Variants in FAIM2 observed in about 807,000 individuals in gnomAD.
FAIM2 encodes the protein Fas apoptotic inhibitory molecule 2.
Under a neutral mutation model 47.4 loss-of-function variants are expected in FAIM2, and 27 were observed. That is an observed-to-expected ratio of 0.57 (90% CI 0.42 to 0.78). The LOEUF is 0.78. FAIM2 is among the 30% of genes least tolerant of loss of function. The probability of loss-of-function intolerance (pLI) is 0.00; values close to 1 mark genes in which losing one functional copy is unlikely to be tolerated. For missense variants in FAIM2, 311 were observed against 389.4 expected (o/e 0.80, Z 1.69); for synonymous variants, 156 against 159.3 (o/e 0.98, Z 0.16).
intron 2 of FAIM2, among the ~76,000 whole-genome samples, chr12:49,898,421 G>A: frequency 9.3e-6 from 1 of 107,794 alleles, no homozygotes. Context: ...CATCCTCCTT[G>A]GACATTCTGG....
chr12:49,889,468 C>T lies in FAIM2; in HGVS notation c.651+13G>A. 6.2e-7 allele frequency: 1 copy of T among 1,612,154 alleles called. No homozygotes were observed. The highest frequency in any genetic ancestry group is 1.1e-5 in the South Asian group (1 of 91,036). ...CAGGCCAGGGGTCCCTGCCTGCAGGCCCCAGAGCTGACCTTGGTCTGGAAG... is the reference window on the plus strand; with the variant it reads ...CAGGCCAGGGGTCCCTGCCTGCAGGTCCCAGAGCTGACCTTGGTCTGGAAG... On this transcript the variant is annotated intron_variant, in intron 9 of 11. Coordinates refer to ENST00000320634, the MANE Select transcript of FAIM2 (RefSeq NM_012306.4).
At chr12:49,888,010 C>T (rs1386173506) in intron 10 of FAIM2, among the ~76,000 whole-genome samples, 1 of 152,212 alleles carries the variant, frequency 6.6e-6, no homozygotes, top group Non-Finnish European at 1.5e-5. Flanking sequence ...CCTGAGTCTT[C>T]CTCCAGGTCT....
chr12:49,889,086 C>A, intron 10 of FAIM2, 21 bp downstream of exon 10: 1 of 1,581,276 alleles, frequency 6.3e-7, no homozygotes, highest in Non-Finnish European at 8.6e-7. Flanking sequence ...ATGGGGCCTG[C>A]TGGGGGACCC....
At chr12:49,887,016 T>G (rs540854304) in intron 11 of FAIM2, among the ~76,000 whole-genome samples, 63 of 152,234 alleles carry the variant, frequency 4.1e-4, no homozygotes, top group African/African-American at 1.4e-3. Context: ...AAGCCTTCCC[T>G]GATTGCCCCT....
chr12:49,877,621 G>GTCTAAAAGT (rs370908720), intron 11 of FAIM2, among the ~76,000 whole-genome samples: 11 of 152,064 alleles, frequency 7.2e-5, no homozygotes, highest in East Asian at 1.9e-4. Context: ...CACTAGAAAA[G>GTCTAAAAGT]CAGGGTGAGG....
chr12:49,879,742 ATG>A (rs1432752965), intron 11 of FAIM2, among the ~76,000 whole-genome samples: 8 of 136,208 alleles, frequency 5.9e-5, no homozygotes, highest in African/African-American at 1.4e-4. Context: ...GTCTGAGTGA[ATG>A]TGTATGCATG....
chr12:49,869,776 G>C lies in FAIM2; in HGVS notation c.*728C>G, dbSNP rs1294006358. The C allele has an allele frequency of 1.3e-5, 2 of 152,166 alleles. No individual in the cohort carries two copies. Among genetic ancestry groups the C allele is most frequent in the Admixed American group, 1.3e-4 (2 of 15,272 alleles). The allele number at this position is 152,166 out of a possible 1,614,324, so 9.4% of individuals were successfully genotyped here. ...AGCTCCCACTTCCCTGGGAGCCCCA[G>C]GGCAGGCCCTTACCAAGGAGCGGGG... On this transcript the variant is annotated 3_prime_UTR_variant, in exon 12 of 12. Coordinates refer to ENST00000320634, the MANE Select transcript of FAIM2 (RefSeq NM_012306.4).
intron 8 of FAIM2, 37 bp downstream of exon 8, chr12:49,890,080 C>T (rs1420898763): frequency 6.2e-7 from 1 of 1,608,236 alleles, no homozygotes; most frequent in Non-Finnish European, 8.5e-7. Flanking sequence ...CCAAGCCTGG[C>T]CTATGGTCCT....
At chr12:49,902,570 C>T (rs554768010) in intron 1 of FAIM2, among the ~76,000 whole-genome samples, 1 of 152,216 alleles carries the variant, frequency 6.6e-6, no homozygotes, top group South Asian at 2.1e-4. Context: ...CCCCTCACAC[C>T]AGGAAGGGAA....
intron 7 of FAIM2, 51 bp downstream of exon 7, chr12:49,890,632 T>G (rs1297837423): frequency 3.2e-6 from 5 of 1,565,818 alleles, no homozygotes; most frequent in Non-Finnish European, 4.4e-6. Flanking sequence ...GCTTCCCTTC[T>G]TCCTCCATCC....
chr12:49,887,702 G>A (rs1946871618), intron 10 of FAIM2, among the ~76,000 whole-genome samples: 1 of 152,026 alleles, frequency 6.6e-6, no homozygotes, highest in African/African-American at 2.4e-5. Context: ...CACAGCCCTG[G>A]GCTCAGGGCA....
chr12:49,885,208 T>C (rs1946852960), intron 11 of FAIM2, among the ~76,000 whole-genome samples: 2 of 152,236 alleles, frequency 1.3e-5, no homozygotes. Flanking sequence ...GGGATTACTG[T>C]TCACCCAGCC....
At chr12:49,889,402 C>T in intron 9 of FAIM2, 79 bp downstream of exon 9, 2 of 1,364,752 alleles carry the variant, frequency 1.5e-6, no homozygotes, top group Non-Finnish European at 1.0e-6. Flanking sequence ...CAGGTCCGAG[C>T]TCTGAGGCCC....
At chr12:49,901,033 T>C in intron 2 of FAIM2, 97 bp downstream of exon 2, 1 of 933,710 alleles carries the variant, frequency 1.1e-6, no homozygotes, top group Non-Finnish European at 1.6e-6. Context: ...AACCACACAG[T>C]GTACCTCTTT....
At chr12:49,898,495 T>C (rs1227144359) in intron 2 of FAIM2, among the ~76,000 whole-genome samples, 1 of 152,182 alleles carries the variant, frequency 6.6e-6, no homozygotes, top group Non-Finnish European at 1.5e-5. Flanking sequence ...GCAGCAAAGA[T>C]CCTGACCCTT....
chr12:49,878,064 GTA>G (rs1555157821), intron 11 of FAIM2, among the ~76,000 whole-genome samples: 6 of 143,258 alleles, frequency 4.2e-5, no homozygotes, highest in Admixed American at 2.1e-4. Context: ...ATATGTGCGT[GTA>G]TGTGTGTTTA....
At chr12:49,880,240 G>A (rs1488011737) in intron 11 of FAIM2, among the ~76,000 whole-genome samples, 1 of 151,520 alleles carries the variant, frequency 6.6e-6, no homozygotes, top group African/African-American at 2.4e-5. Context: ...ATGTGTGTAT[G>A]TGTATGTTCA....
At chr12:49,890,198 C>T (rs781713519) in intron 7 of FAIM2, 44 bp from the exon 8 acceptor site, 1 of 1,600,392 alleles carries the variant, frequency 6.2e-7, no homozygotes, top group African/African-American at 1.3e-5. Flanking sequence ...AACTCAGACG[C>T]AGGGGCCCAG....
intron 8 of FAIM2, 34 bp from the exon 9 acceptor site, chr12:49,889,602 G>A (rs769543071): frequency 8.2e-6 from 13 of 1,584,144 alleles, no homozygotes; most frequent in Non-Finnish European, 1.0e-5. Flanking sequence ...TCAGCTCTCA[G>A]GCAGGGCATC....
Sources: allele counts gnomAD v4.1 joint callset (sites outside exome capture counted in the v4.1 genomes callset), GRCh38; gene constraint gnomAD v4.1.1; transcripts MANE v1.5; gene names NCBI Gene and HGNC (gene_info 2026-07-23, HGNC 2026-07-21).